Variants in LHFPL6 observed in about 807,000 individuals in gnomAD.
LHFPL6 encodes LHFPL tetraspan subfamily member 6.
In LHFPL6, 9 loss-of-function variants were observed where a neutral mutation model predicts 20.6. The ratio of observed to expected loss-of-function variants is 0.44; its 90% CI spans 0.26 to 0.76. The LOEUF (loss-of-function observed/expected upper bound fraction) is 0.76. LHFPL6 is among the 30% of genes least tolerant of loss of function. The pLI, the probability that LHFPL6 is intolerant of heterozygous loss-of-function variation, is 0.20. For missense variants in LHFPL6, 218 were observed against 253.5 expected (o/e 0.86, Z 0.95); for synonymous variants, 105 against 98.7 (o/e 1.06, Z -0.38).
intron 2 of LHFPL6, among the ~76,000 whole-genome samples, chr13:39,530,079 A>C (rs148845448): frequency 2.2e-4 from 34 of 152,208 alleles, no homozygotes; most frequent in African/African-American, 7.9e-4. Context: ...ATGAATGTGT[A>C]GGGTTCTTTG....
chr13:39,429,802 C>T (rs1871739278), intron 2 of LHFPL6, among the ~76,000 whole-genome samples: 2 of 152,154 alleles, frequency 1.3e-5, no homozygotes, highest in South Asian at 4.1e-4. Flanking sequence ...TTTGTCAAGG[C>T]CACTGACTTC....
chr13:39,514,718 A>T (rs4941931), intron 2 of LHFPL6, among the ~76,000 whole-genome samples: 3 of 152,218 alleles, frequency 2.0e-5, no homozygotes, highest in African/African-American at 7.2e-5. Context: ...AGGGAAAGGG[A>T]AGCAAAACAC....
chr13:39,542,476 A>G (rs1011641683), intron 2 of LHFPL6, among the ~76,000 whole-genome samples: 3 of 152,200 alleles, frequency 2.0e-5, no homozygotes, highest in African/African-American at 7.2e-5. Context: ...ACAGACACAC[A>G]CACCATAGAA....
intron 2 of LHFPL6, among the ~76,000 whole-genome samples, chr13:39,548,787 A>T (rs1456884949): frequency 6.6e-6 from 1 of 152,076 alleles, no homozygotes; most frequent in Non-Finnish European, 1.5e-5. Flanking sequence ...TGAGGCCTGG[A>T]ACACCTTGTT....
chr13:39,538,288 C>A (rs1464520969), intron 2 of LHFPL6, among the ~76,000 whole-genome samples: 1 of 151,446 alleles, frequency 6.6e-6, no homozygotes, highest in Non-Finnish European at 1.5e-5. Context: ...CCACGCCCAG[C>A]CCATTTTTCT....
intron 2 of LHFPL6, among the ~76,000 whole-genome samples, chr13:39,495,021 G>A (rs1869051406): frequency 6.6e-6 from 1 of 152,176 alleles, no homozygotes; most frequent in Admixed American, 6.5e-5. Context: ...GTTAGAACAT[G>A]AAATGACTGC....
At chr13:39,581,452 C>A (rs1872279450) in intron 2 of LHFPL6, among the ~76,000 whole-genome samples, 1 of 150,090 alleles carries the variant, frequency 6.7e-6, no homozygotes, top group African/African-American at 2.5e-5. Flanking sequence ...TCAGGATAGC[C>A]ACCAGTGGGT....
intron 2 of LHFPL6, among the ~76,000 whole-genome samples, chr13:39,528,891 C>T (rs1383421148): frequency 1.3e-5 from 2 of 151,884 alleles, no homozygotes; most frequent in Non-Finnish European, 2.9e-5. Flanking sequence ...TAGACACTTT[C>T]GAAGGAAAAA....
At chr13:39,457,947 C>T (rs1872608698) in intron 2 of LHFPL6, among the ~76,000 whole-genome samples, 1 of 152,164 alleles carries the variant, frequency 6.6e-6, no homozygotes, top group Admixed American at 6.5e-5. Context: ...GATCAGAAAT[C>T]CAGATCCTAA....
intron 2 of LHFPL6, among the ~76,000 whole-genome samples, chr13:39,415,534 A>G (rs1031998986): frequency 5.3e-5 from 8 of 151,970 alleles, no homozygotes; most frequent in African/African-American, 1.9e-4. Context: ...AAGCAAGCTG[A>G]AGAAACACTT....
intron 2 of LHFPL6, among the ~76,000 whole-genome samples, chr13:39,557,740 C>G (rs1212701175): frequency 6.6e-6 from 1 of 152,180 alleles, no homozygotes; most frequent in Non-Finnish European, 1.5e-5. Flanking sequence ...TGGGAGGTGT[C>G]GGATAGTAAC....
intron 2 of LHFPL6, among the ~76,000 whole-genome samples, chr13:39,407,204 G>A (rs1452858778): frequency 6.6e-6 from 1 of 151,970 alleles, no homozygotes; most frequent in African/African-American, 2.4e-5. Flanking sequence ...AGGGTTCCCT[G>A]CCCATTTAAA....
chr13:39,538,333 T>A (rs932571454), intron 2 of LHFPL6, among the ~76,000 whole-genome samples: 2 of 151,226 alleles, frequency 1.3e-5, no homozygotes, highest in Non-Finnish European at 2.9e-5. Flanking sequence ...AAGCTAATGG[T>A]CAAATTTAGT....
chr13:39,598,397 TC>T (rs1210194202), intron 2 of LHFPL6, among the ~76,000 whole-genome samples: 1 of 152,150 alleles, frequency 6.6e-6, no homozygotes, highest in African/African-American at 2.4e-5. Flanking sequence ...TTTACTGTTA[TC>T]TTTGGTAATG....
intron 2 of LHFPL6, among the ~76,000 whole-genome samples, chr13:39,469,010 G>C (rs1014545543): frequency 6.6e-6 from 1 of 152,114 alleles, no homozygotes; most frequent in Non-Finnish European, 1.5e-5. Flanking sequence ...AACTGTATAA[G>C]GCCTAGGATA....
intron 2 of LHFPL6, among the ~76,000 whole-genome samples, chr13:39,468,493 C>A (rs1872859784): frequency 6.6e-6 from 1 of 151,964 alleles, no homozygotes; most frequent in African/African-American, 2.4e-5. Context: ...AAAAAAAATG[C>A]TGGCTGATTT....
intron 2 of LHFPL6, among the ~76,000 whole-genome samples, chr13:39,462,639 T>C (rs1485828196): frequency 6.6e-6 from 1 of 151,934 alleles, no homozygotes; most frequent in African/African-American, 2.4e-5. Flanking sequence ...ACCCTCTCAC[T>C]CTGTGAAGTG....
At chr13:39,463,493 A>C (rs1158851863) in intron 2 of LHFPL6, among the ~76,000 whole-genome samples, 3 of 152,226 alleles carry the variant, frequency 2.0e-5, no homozygotes, top group Non-Finnish European at 4.4e-5. Context: ...AATATAAAAT[A>C]ATCTATTCAA....
At chr13:39,437,038 C>T (rs1483549360) in intron 2 of LHFPL6, among the ~76,000 whole-genome samples, 1 of 152,208 alleles carries the variant, frequency 6.6e-6, no homozygotes, top group Admixed American at 6.5e-5. Context: ...ATTTTACAGA[C>T]TTATTATAAT....
Sources: gnomAD v4.1 joint callset for allele counts (sites outside exome capture counted in the v4.1 genomes callset) on GRCh38, gnomAD v4.1.1 for gene constraint, MANE v1.5 for transcripts, NCBI Gene and HGNC (gene_info 2026-07-23, HGNC 2026-07-21) for gene names.